Variants in ABCA4 observed in about 807,000 individuals in gnomAD.
ABCA4 encodes the protein ATP binding cassette subfamily A member 4.
A neutral mutation model predicts 263.7 loss-of-function variants in ABCA4; 196 were observed. That is an observed-to-expected ratio of 0.74 (90% CI 0.66 to 0.84). The LOEUF (loss-of-function observed/expected upper bound fraction) is 0.84. ABCA4 is among the 40% of genes least tolerant of loss of function. ABCA4 has a pLI of 0.00. For synonymous variants in ABCA4, 1,133 were observed against 1,094.2 expected (o/e 1.04, Z -0.70); for missense variants, 2,792 against 2,855.1 (o/e 0.98, Z 0.50).
intron 9 of ABCA4, 103 bp downstream of exon 9, chr1:94,079,219 G>A: frequency 6.5e-7 from 1 of 1,530,926 alleles, no homozygotes; most frequent in Admixed American, 1.7e-5. Flanking sequence ...AAACAAACAT[G>A]AGATGTGCTA....
intron 6 of ABCA4, among the ~76,000 whole-genome samples, chr1:94,095,747 A>AG (rs1360506757): frequency 8.4e-6 from 1 of 119,146 alleles, no homozygotes; most frequent in Non-Finnish European, 1.8e-5. Flanking sequence ...AATTTCTTTC[A>AG]GGTTTTTTTT....
chr1:94,025,182 A>G (rs779511994), intron 30 of ABCA4, 134 bp from the exon 31 acceptor site: 1 of 769,888 alleles, frequency 1.3e-6, no homozygotes, highest in Non-Finnish European at 2.3e-6. Context: ...AAGTACTGGC[A>G]TCTCCCTAGT....
intron 6 of ABCA4, among the ~76,000 whole-genome samples, chr1:94,091,402 TA>T (rs577993027): frequency 1.1e-3 from 167 of 152,254 alleles, no homozygotes; most frequent in African/African-American, 3.7e-3. Flanking sequence ...CCATAAATTA[TA>T]AAATAACTTT....
chr1:94,068,756 C>T (rs1422175088), intron 11 of ABCA4, among the ~76,000 whole-genome samples: 1 of 152,098 alleles, frequency 6.6e-6, no homozygotes, highest in Admixed American at 6.5e-5. Flanking sequence ...TTGTAAGGGG[C>T]CAGTGTAAGG....
intron 26 of ABCA4, among the ~76,000 whole-genome samples, chr1:94,032,369 G>C (rs1181165542): frequency 6.6e-6 from 1 of 152,228 alleles, no homozygotes; most frequent in African/African-American, 2.4e-5. Flanking sequence ...GGGCACGGAG[G>C]CTCACGCCTG....
At chr1:94,097,413 A>T (rs1485258962) in intron 6 of ABCA4, among the ~76,000 whole-genome samples, 4 of 152,170 alleles carry the variant, frequency 2.6e-5, no homozygotes, top group Non-Finnish European at 5.9e-5. Flanking sequence ...GTTTCCTGGG[A>T]CTTGAGAGAG....
intron 11 of ABCA4, among the ~76,000 whole-genome samples, chr1:94,065,841 C>T (rs141015221): frequency 4.6e-5 from 7 of 152,272 alleles, no homozygotes; most frequent in Admixed American, 4.6e-4. Flanking sequence ...TGACACCATG[C>T]TAATGAGATA....
Position 94,078,673 on chromosome 1 carries a change from T to C in ABCA4, c.1273A>G (p.Arg425Gly), listed in dbSNP as rs1442874024. 2 of 1,600,520 alleles carry C rather than the reference T, an allele frequency of 1.2e-6. No individual in the cohort carries two copies. Among genetic ancestry groups the C allele is most frequent in the Non-Finnish European group, 1.7e-6 (2 of 1,172,058 alleles). ...TCTTCCCAGGCTTTGACCAACTTCC[T>C]AACGTGTTCCAGTTCTTCAAAAGTT... ...NSTFEELEHV[R>G]KLVKAWEEVG... Residue 425 changes from arginine to glycine, a missense_variant, in exon 10 of 50, where the codon AGG becomes GGG. Transcript: ENST00000370225.
At chr1:94,116,240 C>A (rs72962313) in intron 1 of ABCA4, among the ~76,000 whole-genome samples, 428 of 152,264 alleles carry the variant, frequency 2.8e-3, no homozygotes, top group African/African-American at 9.9e-3. Flanking sequence ...GTGCCCTCTT[C>A]TCATCCTTGA....
intron 18 of ABCA4, 69 bp from the exon 19 acceptor site, chr1:94,047,162 CA>C: frequency 1.3e-6 from 2 of 1,558,326 alleles, no homozygotes; most frequent in Non-Finnish European, 1.8e-6. Context: ...GCTCTGTCTC[CA>C]GGCCCTTGTA....
At chr1:94,004,957 A>G (rs1253176452) in intron 44 of ABCA4, among the ~76,000 whole-genome samples, 4 of 152,222 alleles carry the variant, frequency 2.6e-5, no homozygotes, top group African/African-American at 9.6e-5. Context: ...AACAGTATTT[A>G]CTGGAAATAT....
intron 11 of ABCA4, among the ~76,000 whole-genome samples, chr1:94,076,173 G>C (rs1157757619): frequency 2.0e-5 from 3 of 152,170 alleles, no homozygotes; most frequent in African/African-American, 4.8e-5. Context: ...CCCATGGTGG[G>C]CAGCTGACCC....
intron 22 of ABCA4, among the ~76,000 whole-genome samples, chr1:94,042,009 G>A (rs1660500585): frequency 6.9e-6 from 1 of 144,052 alleles, no homozygotes; most frequent in Non-Finnish European, 1.5e-5. Context: ...TGAGGCAGGA[G>A]AATGGCTCGA....
intron 41 of ABCA4, 96 bp from the exon 42 acceptor site, chr1:94,008,393 C>A: frequency 8.1e-7 from 1 of 1,239,052 alleles, no homozygotes; most frequent in Non-Finnish European, 1.2e-6. Context: ...TAGGAGAAAA[C>A]TACCAGCACT....
At chr1:94,019,832 C>G in intron 35 of ABCA4, 73 bp from the exon 36 acceptor site, 1 of 1,541,202 alleles carries the variant, frequency 6.5e-7, no homozygotes, top group Non-Finnish European at 8.8e-7. Context: ...GATACAAAGT[C>G]AGGCTTTGGG....
chr1:94,050,535 A>T lies in ABCA4; in HGVS notation c.2653+1098T>A, dbSNP rs944758101. ...CCGTTGGCAAACATATTTGTGATTCACTTTTGAAGGAGCATATTTTCCTTA... is the reference window on the plus strand; with the variant it reads ...CCGTTGGCAAACATATTTGTGATTCTCTTTTGAAGGAGCATATTTTCCTTA... On this transcript the variant is annotated intron_variant, in intron 17 of 49. Coordinates refer to ENST00000370225, the MANE Select transcript of ABCA4 (RefSeq NM_000350.3). 2.0e-5 allele frequency among the ~76,000 whole-genome samples: 3 copies of T among 152,164 alleles called. No individual in the cohort carries two copies. In the East Asian group the frequency reaches 5.8e-4, roughly 29 times the overall value.
Position 94,113,671 on chromosome 1 carries a change from G to A in ABCA4, c.67-605C>T, listed in dbSNP as rs994191860. The stretch of plus-strand genomic sequence containing the variant: ...TTAATGAATCAGTGAATGAATGAGT[G>A]AATAAATGACTGTGATCCATTGCAA... On this transcript the variant is annotated intron_variant, in intron 1 of 49. Transcript: ENST00000370225. Among the ~76,000 whole-genome samples, 9 of 150,874 alleles carry A rather than the reference G, an allele frequency of 6.0e-5. No individual in the cohort carries two copies. In the East Asian group the frequency reaches 1.9e-3, roughly 32 times the overall value.
intron 38 of ABCA4, among the ~76,000 whole-genome samples, chr1:94,014,277 G>A (rs1208583097): frequency 1.3e-5 from 2 of 150,092 alleles, no homozygotes; most frequent in Non-Finnish European, 3.0e-5. Context: ...AAGGGAAGGA[G>A]GGACGAAGGA....
In ABCA4 at chr1:94,113,086, A is replaced by G. The variant is rs778141340; in HGVS notation, c.67-20T>C. The G allele has an allele frequency of 1.2e-6, 2 of 1,609,574 alleles. No homozygotes were observed. The highest frequency in any genetic ancestry group is 1.7e-6 in the Non-Finnish European group (2 of 1,175,934). On this transcript the variant is annotated intron_variant, in intron 1 of 49. Coordinates refer to ENST00000370225, the MANE Select transcript of ABCA4 (RefSeq NM_000350.3). ...GCGAATCTGGAAAAACAAAACAAAA[A>G]GAGAGAAAGTTCAGTGGTGCTAAGA... is the stretch of plus-strand genomic sequence containing the variant.
Sources: allele counts gnomAD v4.1 joint callset (sites outside exome capture counted in the v4.1 genomes callset), GRCh38; gene constraint gnomAD v4.1.1; transcripts MANE v1.5; gene names NCBI Gene and HGNC (gene_info 2026-07-23, HGNC 2026-07-21).